Variants in PCDHGB7 observed in about 807,000 individuals in gnomAD.
PCDHGB7 encodes the protein protocadherin gamma subfamily B, 7, also known as protocadherin gamma-B7.
A neutral mutation model predicts 61.4 loss-of-function variants in PCDHGB7; 37 were observed. The ratio of observed to expected loss-of-function variants is 0.60; its 90% CI spans 0.46 to 0.79. The LOEUF is 0.79. Among genes scored for constraint, PCDHGB7 ranks in the 30% least tolerant of loss-of-function variants. The pLI is 0.00. For synonymous variants in PCDHGB7, 464 were observed against 503.5 expected, an observed-to-expected ratio of 0.92 and a Z score of 1.05; for missense variants, 1,166 against 1,202.5, an observed-to-expected ratio of 0.97 and a Z score of 0.45.
At chr5:141,463,844 G>T (rs545618795) in intron 1 of PCDHGB7, among the ~76,000 whole-genome samples, 1 of 152,140 alleles carries the variant, frequency 6.6e-6, no homozygotes, top group African/African-American at 2.4e-5. Context: ...AGTTGTTATA[G>T]TGGTATATCT....
chr5:141,436,309 T>C (rs1228417864), intron 1 of PCDHGB7, among the ~76,000 whole-genome samples: 1 of 152,198 alleles, frequency 6.6e-6, no homozygotes, highest in Non-Finnish European at 1.5e-5. Flanking sequence ...AGAGCATGAA[T>C]AGTCAAGACT....
At chr5:141,483,323 G>A (rs2099579999) in intron 1 of PCDHGB7, among the ~76,000 whole-genome samples, 1 of 152,104 alleles carries the variant, frequency 6.6e-6, no homozygotes, top group Non-Finnish European at 1.5e-5. Flanking sequence ...GGGACTGGAG[G>A]CAAAGAGATC....
intron 3 of PCDHGB7, among the ~76,000 whole-genome samples, chr5:141,509,068 G>A (rs1267011061): frequency 6.6e-6 from 1 of 152,144 alleles, no homozygotes; most frequent in Non-Finnish European, 1.5e-5. Flanking sequence ...TCTCAGCTCC[G>A]GGGATTTGCG....
chr5:141,477,874 T>G lies in PCDHGB7; in HGVS notation c.2416-16933T>G. On this transcript the variant is annotated intron_variant, in intron 1 of 3. Coordinates refer to ENST00000398594, the MANE Select transcript of PCDHGB7 (RefSeq NM_018927.4). This position sits in a 1 kb window ranked among gnomAD's most constrained non-coding sequence, Gnocchi z 4.9. ...AGATGCTGCCTCGAGGTACCTCAGC[T>G]GGCCACCTAGTGTCACGGGTGGTAG... 1 of 1,614,176 alleles carries G rather than the reference T, an allele frequency of 6.2e-7. No individual in the cohort carries two copies. The highest frequency in any genetic ancestry group is 8.5e-7 in the Non-Finnish European group (1 of 1,180,028).
In PCDHGB7 at chr5:141,418,561, T is replaced by C; in HGVS notation, c.702T>C (p.Asp234=). Residue 234 remains aspartate, a synonymous_variant, in exon 1 of 4, where the codon GAT becomes GAC. Transcript: ENST00000398594. ...CTCAGATAAGAATCCTGGTAATAGA[T>C]GCCAATGACAACCCCCCAGTGTTCA... ...GTAQIRILVI[D]ANDNPPVFSQ... 2 of 1,614,006 alleles carry C rather than the reference T, an allele frequency of 1.2e-6. No individual in the cohort carries two copies. The highest frequency in any genetic ancestry group is 1.7e-6 in the Non-Finnish European group (2 of 1,179,890).
chr5:141,458,597 T>C (rs940896214), intron 1 of PCDHGB7, among the ~76,000 whole-genome samples: 18 of 151,988 alleles, frequency 1.2e-4, no homozygotes, highest in Non-Finnish European at 2.4e-4. Context: ...TGGAGACGAG[T>C]CTCACTCTGT....
Position 141,476,873 on chromosome 5 carries a change from G to A in PCDHGB7, c.2416-17934G>A. 1.9e-6 allele frequency: 3 copies of A among 1,613,936 alleles called. No homozygotes were observed. Among genetic ancestry groups the A allele is most frequent in the Non-Finnish European group, 2.5e-6 (3 of 1,180,038 alleles). Reference sequence around the variant, plus strand: ...CAACCAGTCCTTGTACCGGGCGCGCGTCCTGGAGGATGCACCCTCCGGCAC... The same window carrying A: ...CAACCAGTCCTTGTACCGGGCGCGCATCCTGGAGGATGCACCCTCCGGCAC... On this transcript the variant is annotated intron_variant, in intron 1 of 3. Transcript: ENST00000398594. The surrounding 1 kb of genome is among the most constrained non-coding windows in gnomAD (Gnocchi z 7.6).
intron 1 of PCDHGB7, among the ~76,000 whole-genome samples, chr5:141,435,134 A>G (rs1190517186): frequency 6.6e-6 from 1 of 152,190 alleles, no homozygotes; most frequent in Non-Finnish European, 1.5e-5. Context: ...GAAAATATAA[A>G]TAAAATTGTG....
At chr5:141,430,808 G>A in intron 1 of PCDHGB7, 1 of 1,526,682 alleles carries the variant, frequency 6.6e-7, no homozygotes, top group East Asian at 2.3e-5. Flanking sequence ...TGTCCTGCTG[G>A]GAATCCTCCT....
Position 141,431,135 on chromosome 5 carries a change from A to G in PCDHGB7, c.2415+10861A>G, listed in dbSNP as rs140069213. The G allele has an allele frequency of 1.5e-5, 24 of 1,614,266 alleles. No homozygotes were observed. In the African/African-American group the frequency reaches 3.1e-4, roughly 21 times the overall value. Reference sequence around the variant, plus strand: ...TGGAGTAGAAGTAGAAGTAAGGGACATTAACGACAATGCGCCTTACTTTCG... The same window carrying G: ...TGGAGTAGAAGTAGAAGTAAGGGACGTTAACGACAATGCGCCTTACTTTCG... On this transcript the variant is annotated intron_variant, in intron 1 of 3. Transcript: ENST00000398594. This position sits in a 1 kb window ranked among gnomAD's most constrained non-coding sequence, Gnocchi z 4.8.
chr5:141,491,945 C>T lies in PCDHGB7; in HGVS notation c.2416-2862C>T. ...GAGGGGAGGTGGGACCGACCCCCAC[C>T]CCTACACTCAAAAAAGGCCGGGGCC... On this transcript the variant is annotated intron_variant, in intron 1 of 3. Coordinates refer to ENST00000398594, the MANE Select transcript of PCDHGB7 (RefSeq NM_018927.4). The surrounding 1 kb of genome is among the most constrained non-coding windows in gnomAD (Gnocchi z 6.9). 1.8e-6 allele frequency: 2 copies of T among 1,116,616 alleles called. No individual in the cohort carries two copies. 69.2% of individuals were successfully genotyped at this position (1,116,616 alleles called of 1,614,324 possible). A position where few individuals can be genotyped will look rare whatever the true frequency, so the allele number is the denominator to read the frequency against.
Position 141,418,146 on chromosome 5 carries a change from G to A in PCDHGB7, c.287G>A (p.Cys96Tyr), listed in dbSNP as rs755513829. The A allele has an allele frequency of 1.1e-5, 18 of 1,613,970 alleles. No homozygotes were observed. In the South Asian group the frequency reaches 1.6e-4, roughly 15 times the overall value. ...GACCGAATAGACCGTGAGCAAATAT[G>A]CAAAGAGAGAAGAAGATGTGAGTTG... is the stretch of plus-strand genomic sequence containing the variant. ...VKDRIDREQI[C>Y]KERRRCELQL... Residue 96 changes from cysteine (C) to tyrosine (Y), a missense_variant, in exon 1 of 4, where the codon TGC becomes TAC. By Grantham distance (194) the Cys-to-Tyr change is radical (BLOSUM62 -2). Transcript: ENST00000398594.
rs2099697598 is a variant in PCDHGB7 at position 141,490,236 on chromosome 5, C to T, written c.2416-4571C>T. On this transcript the variant is annotated intron_variant, in intron 1 of 3. Coordinates refer to ENST00000398594, the MANE Select transcript of PCDHGB7 (RefSeq NM_018927.4). This position sits in a 1 kb window ranked among gnomAD's most constrained non-coding sequence, Gnocchi z 5.4. ...ACCAGGGACAGCCTGCCATGGAGGG[C>T]CACTGTGTGATTCAAGTGGATGTGG... is the stretch of plus-strand genomic sequence containing the variant. 1 of 1,614,078 alleles carries T rather than the reference C, an allele frequency of 6.2e-7. No homozygotes were observed. The highest frequency in any genetic ancestry group is 1.1e-5 in the South Asian group (1 of 91,088).
At position 141,431,258 on chromosome 5, in the gene PCDHGB7, C is replaced by G. The variant is rs754250241; in HGVS notation, c.2415+10984C>G. 6.2e-6 allele frequency: 10 copies of G among 1,614,186 alleles called. No individual in the cohort carries two copies. The highest frequency in any genetic ancestry group is 1.6e-4 in the Middle Eastern group (1 of 6,062). ...GGATCCGGATATCGGGAAGAACTCT[C>G]TGCAGAGCTACGAGCTCAGCCCGAA... On this transcript the variant is annotated intron_variant, in intron 1 of 3. Transcript: ENST00000398594. This position sits in a 1 kb window ranked among gnomAD's most constrained non-coding sequence, Gnocchi z 4.8.
chr5:141,480,599 C>A (rs1202373543), intron 1 of PCDHGB7, among the ~76,000 whole-genome samples: 1 of 141,438 alleles, frequency 7.1e-6, no homozygotes, highest in East Asian at 1.9e-4. Flanking sequence ...TCTGGTCAGC[C>A]TGGAAAGCAA....
intron 3 of PCDHGB7, among the ~76,000 whole-genome samples, chr5:141,508,528 C>T (rs2099869454): frequency 6.6e-6 from 1 of 152,186 alleles, no homozygotes; most frequent in Admixed American, 6.5e-5. Context: ...AACCTCAGGG[C>T]ACCCCCCACG....
In PCDHGB7 at chr5:141,471,102, G is replaced by A. The variant is rs922174682; in HGVS notation, c.2416-23705G>A. 3.4e-5 allele frequency among the ~76,000 whole-genome samples: 5 copies of A among 146,522 alleles called. No individual in the cohort carries two copies. The Admixed American group carries it at 3.5e-4, about 10-fold the overall frequency. On this transcript the variant is annotated intron_variant, in intron 1 of 3. Coordinates refer to ENST00000398594, the MANE Select transcript of PCDHGB7 (RefSeq NM_018927.4). ...CTCCCTCTGTTGTCCAGGCTAGAGTGCAGTGGTGCGATCTTACCTTCACTG... is the reference window on the plus strand; with the variant it reads ...CTCCCTCTGTTGTCCAGGCTAGAGTACAGTGGTGCGATCTTACCTTCACTG...
chr5:141,482,885 A>G (rs1353686606), intron 1 of PCDHGB7, among the ~76,000 whole-genome samples: 2 of 152,202 alleles, frequency 1.3e-5, no homozygotes. Flanking sequence ...CAGCCTGGCC[A>G]ACATGGTGAA....
rs1228384684 is a variant in PCDHGB7 at position 141,432,189 on chromosome 5, A to G, written c.2415+11915A>G. On this transcript the variant is annotated intron_variant, in intron 1 of 3. Coordinates refer to ENST00000398594, the MANE Select transcript of PCDHGB7 (RefSeq NM_018927.4). This position sits in a 1 kb window ranked among gnomAD's most constrained non-coding sequence, Gnocchi z 6.0. The stretch of plus-strand genomic sequence containing the variant: ...GTTTCCCTCGTCTCTGTGACCGCCC[A>G]CGACCCCGACTGTGAAGAGAACGCC... 6.2e-6 allele frequency: 10 copies of G among 1,613,964 alleles called. No homozygotes were observed. Among genetic ancestry groups the G allele is most frequent in the African/African-American group, 1.3e-5 (1 of 74,878 alleles).
Sources: allele counts gnomAD v4.1 joint callset (sites outside exome capture counted in the v4.1 genomes callset), GRCh38; gene constraint gnomAD v4.1.1; non-coding constraint Gnocchi (gnomAD v3.1); transcripts MANE v1.5; gene names NCBI Gene and HGNC (gene_info 2026-07-23, HGNC 2026-07-21).